The following OTUD1 variants were observed in gnomAD, a reference collection of about 807,000 sequenced individuals.
OTUD1 encodes the protein OTU deubiquitinase 1.
Under a neutral mutation model 30.0 loss-of-function variants are expected in OTUD1, and 15 were observed. That is an observed-to-expected ratio of 0.50 (90% CI 0.33 to 0.77). The LOEUF (loss-of-function observed/expected upper bound fraction) is 0.77, where lower values mean the gene tolerates loss of function less well. OTUD1 is among the 30% of genes least tolerant of loss of function. The probability of loss-of-function intolerance (pLI) is 0.02; values close to 1 mark genes in which losing one functional copy is unlikely to be tolerated. For missense variants in OTUD1, 796 were observed against 697.8 expected (o/e 1.14, Z -1.59); for synonymous variants, 381 against 326.3 (o/e 1.17, Z -1.81).
At position 23,440,045 on chromosome 10, in the gene OTUD1, C is replaced by G. The variant is rs1409176791; in HGVS notation, c.588C>G (p.Ser196Arg). Residue 196 changes from serine to arginine, a missense_variant, in exon 1 of 1, where the codon AGC (serine) becomes AGG (arginine). Coordinates refer to ENST00000376495, the MANE Select transcript of OTUD1 (RefSeq NM_001145373.3). ...REGPDRNFRL[S>R]EHRQALAAAK... ...GGCCCGATCGGAACTTCCGACTGAGCGAGCACCGCCAGGCCCTGGCCGCCG... is the reference window on the plus strand; with the variant it reads ...GGCCCGATCGGAACTTCCGACTGAGGGAGCACCGCCAGGCCCTGGCCGCCG... 2.1e-6 allele frequency: 3 copies of G among 1,452,298 alleles called. No individual in the cohort carries two copies. The highest frequency in any genetic ancestry group is 2.7e-6 in the Non-Finnish European group (3 of 1,108,630). 90.0% of individuals were successfully genotyped at this position (1,452,298 alleles called of 1,614,324 possible). A position where few individuals can be genotyped will look rare whatever the true frequency, so the allele number is the denominator to read the frequency against.
chr10:23,439,931 G>A lies in OTUD1; in HGVS notation c.474G>A (p.Pro158=), dbSNP rs973747033. 5.6e-5 allele frequency: 68 copies of A among 1,222,582 alleles called. No individual in the cohort carries two copies. Among genetic ancestry groups the A allele is most frequent in the Non-Finnish European group, 6.9e-5 (68 of 984,100 alleles). The allele number at this position is 1,222,582 out of a possible 1,614,324, so 75.7% of individuals were successfully genotyped here. ...CCCCGGCGCCCGCAGCCCCGGTCCCGCCGCGGCGGGGCTCCTCGGCCTGGC... is the reference window on the plus strand; with the variant it reads ...CCCCGGCGCCCGCAGCCCCGGTCCCACCGCGGCGGGGCTCCTCGGCCTGGC... ...LLAPAPAAPV[P]PRRGSSAWLL... Residue 158 remains proline (P), a synonymous_variant, in exon 1 of 1, where the codon CCG becomes CCA. Transcript: ENST00000376495.
In OTUD1 at chr10:23,442,142, GGAAT is replaced by G. The variant is rs1419317423; in HGVS notation, c.*1248_*1251del. The G allele has an allele frequency of 2.4e-5, 4 of 166,996 alleles. No homozygotes were observed. Among genetic ancestry groups the G allele is most frequent in the Non-Finnish European group, 4.4e-5 (3 of 68,104 alleles). The allele number at this position is 166,996 out of a possible 1,614,324, so 10.3% of individuals were successfully genotyped here. On this transcript the variant is annotated 3_prime_UTR_variant, in exon 1 of 1. Coordinates refer to ENST00000376495, the MANE Select transcript of OTUD1 (RefSeq NM_001145373.3). ...TACAATAGAGCAATTCCCAGCTGATGGAATGAATGAATAAAATGCAAAATTATAC... is the reference window on the plus strand; with the variant it reads ...TACAATAGAGCAATTCCCAGCTGATGGAATGAATAAAATGCAAAATTATAC...
chr10:23,440,335 A>G lies in OTUD1; in HGVS notation c.878A>G (p.Tyr293Cys). The G allele has an allele frequency of 1.3e-6, 2 of 1,551,280 alleles. No individual in the cohort carries two copies. Among genetic ancestry groups the G allele is most frequent in the African/African-American group, 1.4e-5 (1 of 73,158 alleles). Residue 293 changes from tyrosine (Y) to cysteine (C), a missense_variant, in exon 1 of 1, where the codon TAC becomes TGC. Coordinates refer to ENST00000376495, the MANE Select transcript of OTUD1 (RefSeq NM_001145373.3). ...CCCAGAGACGAGAAGCTGGCCCTAT[A>G]CCTGGCCGAGGTGGAGAAGCAGGAC... is the stretch of plus-strand genomic sequence containing the variant. The part of the protein sequence containing the change: ...SDPRDEKLAL[Y>C]LAEVEKQDKY...
Position 23,439,760 on chromosome 10 carries a change from G to T in OTUD1, c.303G>T (p.Lys101Asn). The T allele has an allele frequency of 8.7e-7, 1 of 1,155,304 alleles. No individual in the cohort carries two copies. Among genetic ancestry groups the T allele is most frequent in the Non-Finnish European group, 1.1e-6 (1 of 942,156 alleles). The allele number at this position is 1,155,304 out of a possible 1,614,324, so 71.6% of individuals were successfully genotyped here. A position where few individuals can be genotyped will look rare whatever the true frequency, so the allele number is the denominator to read the frequency against. ...CCGGCCCGCCCGGCGCGTCCTGCAA[G>T]CCGCCGCTGCCGCCGCACTACACGT... is the stretch of plus-strand genomic sequence containing the variant. ...AAAGPPGASC[K>N]PPLPPHYTST... is the part of the protein sequence containing the mutation. The change falls in exon 1 of 1, where the codon AAG becomes AAT. Residue 101 changes from lysine (K) to asparagine (N), a missense_variant. Transcript: ENST00000376495.
chr10:23,439,516 C>G lies in OTUD1; in HGVS notation c.59C>G (p.Ala20Gly). The G allele has an allele frequency of 1.5e-6, 2 of 1,368,678 alleles. No homozygotes were observed. Among genetic ancestry groups the G allele is most frequent in the Admixed American group, 3.2e-5 (1 of 31,736 alleles). 84.8% of individuals were successfully genotyped at this position (1,368,678 alleles called of 1,614,324 possible). A position where few individuals can be genotyped will look rare whatever the true frequency, so the allele number is the denominator to read the frequency against. The change falls in exon 1 of 1, where the codon GCC becomes GGC. Residue 20 changes from alanine (A) to glycine (G), a missense_variant. Coordinates refer to ENST00000376495, the MANE Select transcript of OTUD1 (RefSeq NM_001145373.3). ...HYPAGAPGPT[A>G]AAPAPPAAAT... Reference sequence around the variant, plus strand: ...CCCGCCGGGGCCCCGGGTCCCACGGCCGCCGCCCCCGCGCCACCCGCCGCC... The same window carrying G: ...CCCGCCGGGGCCCCGGGTCCCACGGGCGCCGCCCCCGCGCCACCCGCCGCC...
chr10:23,439,676 CG>C lies in OTUD1; in HGVS notation c.220del (p.Ala74ProfsTer122). 7.7e-7 allele frequency: 1 copy of C among 1,293,946 alleles called. No homozygotes were observed. Among genetic ancestry groups the C allele is most frequent in the Non-Finnish European group, 9.9e-7 (1 of 1,013,300 alleles). The allele number at this position is 1,293,946 out of a possible 1,614,324, so 80.2% of individuals were successfully genotyped here. On this transcript the variant is annotated frameshift_variant, in exon 1 of 1. Coordinates refer to ENST00000376495, the MANE Select transcript of OTUD1 (RefSeq NM_001145373.3). LOFTEE classifies it high-confidence loss of function. ...AAAVPAAKMP[A>X]FSSCFEVVSG... ...CCGCTGTCCCCGCCGCCAAGATGCC[CG>C]CCTTCTCCTCCTGCTTCGAGGTGGT...
Position 23,439,855 on chromosome 10 carries a change from C to T in OTUD1, c.398C>T (p.Pro133Leu). The change falls in exon 1 of 1, where the codon CCC becomes CTC. Residue 133 changes from proline (P) to leucine (L), a missense_variant. Pro to Leu is a moderately conservative substitution (Grantham distance 98). Transcript: ENST00000376495. ...CTGCTGCACGGGCCCGATCCCGTTC[C>T]CGGCGCCGCGGGCTCCGCCGCTGCC... ...RLLLHGPDPVPGAAGSAAAPR... is the reference protein window; with the variant it reads ...RLLLHGPDPVLGAAGSAAAPR... The T allele has an allele frequency of 8.9e-7, 1 of 1,119,240 alleles. No individual in the cohort carries two copies. The highest frequency in any genetic ancestry group is 1.1e-6 in the Non-Finnish European group (1 of 918,106). 69.3% of individuals were successfully genotyped at this position (1,119,240 alleles called of 1,614,324 possible).
chr10:23,440,772 T>C lies in OTUD1; in HGVS notation c.1315T>C (p.Ser439Pro). ...NGHYDAVFDH[S>P]YPNPEYDNWC... ...ACACTATGATGCTGTATTTGATCAC[T>C]CCTATCCTAACCCAGAGTACGACAA... The change falls in exon 1 of 1, where the codon TCC (serine) becomes CCC (proline). Residue 439 changes from serine to proline, a missense_variant. Transcript: ENST00000376495. The C allele has an allele frequency of 6.4e-7, 1 of 1,552,164 alleles. No homozygotes were observed. The highest frequency in any genetic ancestry group is 8.7e-7 in the Non-Finnish European group (1 of 1,147,098).
Position 23,439,826 on chromosome 10 carries a change from G to T in OTUD1, c.369G>T (p.Arg123Ser). Residue 123 changes from arginine to serine, a missense_variant, in exon 1 of 1, where the codon AGG becomes AGT. Arg to Ser is a moderately radical substitution (Grantham distance 110). Transcript: ENST00000376495. The stretch of plus-strand genomic sequence containing the variant: ...CCGTGCGGGCCCTGGGCGCCGACAG[G>T]CTCCTGCTGCACGGGCCCGATCCCG... ...QITVRALGAD[R>S]LLLHGPDPVP... 1 of 1,121,196 alleles carries T rather than the reference G, an allele frequency of 8.9e-7. No individual in the cohort carries two copies. Among genetic ancestry groups the T allele is most frequent in the Non-Finnish European group, 1.1e-6 (1 of 921,010 alleles). 69.5% of individuals were successfully genotyped at this position (1,121,196 alleles called of 1,614,324 possible).
At position 23,439,996 on chromosome 10, in the gene OTUD1, C is replaced by T. The variant is rs1847109538; in HGVS notation, c.539C>T (p.Ala180Val). The T allele has an allele frequency of 3.6e-6, 5 of 1,373,306 alleles. No individual in the cohort carries two copies. The highest frequency in any genetic ancestry group is 4.7e-6 in the Non-Finnish European group (5 of 1,066,104). The allele number at this position is 1,373,306 out of a possible 1,614,324, so 85.1% of individuals were successfully genotyped here. ...CTGCGGCCCGACTGCCCCGAGCCCG[C>T]GGGCTTGGACGCGACACGGGAGGGG... The part of the protein sequence containing the change: ...ELLRPDCPEP[A>V]GLDATREGPD... Residue 180 changes from alanine to valine, a missense_variant, in exon 1 of 1, where the codon GCG (alanine) becomes GTG (valine). By Grantham distance (64) the Ala-to-Val change is moderately conservative (BLOSUM62 0). Coordinates refer to ENST00000376495, the MANE Select transcript of OTUD1 (RefSeq NM_001145373.3).
Position 23,441,031 on chromosome 10 carries a change from C to G in OTUD1, c.*128C>G. 1.0e-6 allele frequency: 1 copy of G among 993,056 alleles called. No individual in the cohort carries two copies. The highest frequency in any genetic ancestry group is 1.5e-6 in the Non-Finnish European group (1 of 684,754). The allele number at this position is 993,056 out of a possible 1,614,324, so 61.5% of individuals were successfully genotyped here. The stretch of plus-strand genomic sequence containing the variant: ...GTAGATTTTACTGTAGGTGTAATGC[C>G]TTAATCATCTTTTTGAATGTTTTCT... On this transcript the variant is annotated 3_prime_UTR_variant, in exon 1 of 1. Transcript: ENST00000376495.
Position 23,439,989 on chromosome 10 carries a change from G to T in OTUD1, c.532G>T (p.Glu178Ter). 7.3e-7 allele frequency: 1 copy of T among 1,362,378 alleles called. No individual in the cohort carries two copies. Among genetic ancestry groups the T allele is most frequent in the Non-Finnish European group, 9.4e-7 (1 of 1,060,620 alleles). 84.4% of individuals were successfully genotyped at this position (1,362,378 alleles called of 1,614,324 possible). Residue 178 changes from glutamate (E) to a stop codon, truncating the protein, a stop_gained, in exon 1 of 1, where the codon GAG becomes TAG. Coordinates refer to ENST00000376495, the MANE Select transcript of OTUD1 (RefSeq NM_001145373.3). LOFTEE classifies it high-confidence loss of function. ...GGAGCTGCTGCGGCCCGACTGCCCCGAGCCCGCGGGCTTGGACGCGACACG... is the reference window on the plus strand; with the variant it reads ...GGAGCTGCTGCGGCCCGACTGCCCCTAGCCCGCGGGCTTGGACGCGACACG... ...LEELLRPDCPEPAGLDATREG... is the reference protein window; with the variant it reads ...LEELLRPDCP
Position 23,440,242 on chromosome 10 carries a change from C to T in OTUD1, c.785C>T (p.Pro262Leu), listed in dbSNP as rs773630880. 1.3e-6 allele frequency: 2 copies of T among 1,541,882 alleles called. No homozygotes were observed. Among genetic ancestry groups the T allele is most frequent in the African/African-American group, 1.4e-5 (1 of 72,918 alleles). The part of the protein sequence containing the change: ...ARRPDPEAEA[P>L]PAGSIEAAPS... Reference sequence around the variant, plus strand: ...AGGCCCGACCCAGAGGCCGAGGCACCCCCCGCCGGGAGCATCGAGGCCGCC... The same window carrying T: ...AGGCCCGACCCAGAGGCCGAGGCACTCCCCGCCGGGAGCATCGAGGCCGCC... Residue 262 changes from proline to leucine, a missense_variant, in exon 1 of 1, where the codon CCC becomes CTC. Transcript: ENST00000376495.
At position 23,440,114 on chromosome 10, in the gene OTUD1, C is replaced by G. The variant is rs746952867; in HGVS notation, c.657C>G (p.Pro219=). Residue 219 remains proline (P), a synonymous_variant, in exon 1 of 1, where the codon CCC becomes CCG. Transcript: ENST00000376495. ...GPAATPGSPD[P]GPGPWGEEHL... is the part of the protein sequence containing the mutation. Reference sequence around the variant, plus strand: ...CGGCGACCCCGGGGAGCCCCGATCCCGGCCCCGGTCCGTGGGGCGAAGAGC... The same window carrying G: ...CGGCGACCCCGGGGAGCCCCGATCCGGGCCCCGGTCCGTGGGGCGAAGAGC... The G allele has an allele frequency of 1.4e-6, 2 of 1,421,198 alleles. No homozygotes were observed. The highest frequency in any genetic ancestry group is 2.9e-5 in the East Asian group (1 of 34,146). 88.0% of individuals were successfully genotyped at this position (1,421,198 alleles called of 1,614,324 possible). A position where few individuals can be genotyped will look rare whatever the true frequency, so the allele number is the denominator to read the frequency against.
rs1490790530 is a variant in OTUD1 at position 23,442,279 on chromosome 10, A to G, written c.*1376A>G. 1 of 167,078 alleles carries G rather than the reference A, an allele frequency of 6.0e-6. No homozygotes were observed. The allele number at this position is 167,078 out of a possible 1,614,324, so 10.3% of individuals were successfully genotyped here. A position where few individuals can be genotyped will look rare whatever the true frequency, so the allele number is the denominator to read the frequency against. On this transcript the variant is annotated 3_prime_UTR_variant, in exon 1 of 1. Coordinates refer to ENST00000376495, the MANE Select transcript of OTUD1 (RefSeq NM_001145373.3). ...TTTTTTTTTTCCATAAAGATGCCAC[A>G]GCAATAGAGAGGTTTCCTAAATTAT...
chr10:23,440,215 G>A lies in OTUD1; in HGVS notation c.758G>A (p.Arg253Gln), dbSNP rs942238552. The A allele has an allele frequency of 3.3e-6, 5 of 1,503,662 alleles. No individual in the cohort carries two copies. The East Asian group carries it at 7.6e-5, about 23-fold the overall frequency. The allele number at this position is 1,503,662 out of a possible 1,614,324, so 93.1% of individuals were successfully genotyped here. The change falls in exon 1 of 1, where the codon CGG (arginine) becomes CAG (glutamine). Residue 253 changes from arginine to glutamine, a missense_variant. Transcript: ENST00000376495. ...GACGCGCCCGGTGGGGACGCGGCGC[G>A]GAGGCCCGACCCAGAGGCCGAGGCA... The part of the protein sequence containing the change: ...RCDAPGGDAA[R>Q]RPDPEAEAPP...
At position 23,440,382 on chromosome 10, in the gene OTUD1, A is replaced by C. The variant is rs979558172; in HGVS notation, c.925A>C (p.Lys309Gln). 6.4e-7 allele frequency: 1 copy of C among 1,551,466 alleles called. No individual in the cohort carries two copies. The highest frequency in any genetic ancestry group is 1.4e-5 in the African/African-American group (1 of 73,054). Residue 309 changes from lysine to glutamine, a missense_variant, in exon 1 of 1, where the codon AAG becomes CAG. Transcript: ENST00000376495. The stretch of plus-strand genomic sequence containing the variant: ...GGACAAGTATCTGCGGCAGAGGAAT[A>C]AGTACCGATTCCACATCATTCCAGA... ...KQDKYLRQRN[K>Q]YRFHIIPDGN...
At position 23,442,253 on chromosome 10, in the gene OTUD1, A is replaced by G. The variant is rs1847138012; in HGVS notation, c.*1350A>G. The G allele has an allele frequency of 6.1e-6, 1 of 165,240 alleles. No individual in the cohort carries two copies. Among genetic ancestry groups the G allele is most frequent in the African/African-American group, 2.4e-5 (1 of 41,082 alleles). The allele number at this position is 165,240 out of a possible 1,614,324, so 10.2% of individuals were successfully genotyped here. A position where few individuals can be genotyped will look rare whatever the true frequency, so the allele number is the denominator to read the frequency against. On this transcript the variant is annotated 3_prime_UTR_variant, in exon 1 of 1. Coordinates refer to ENST00000376495, the MANE Select transcript of OTUD1 (RefSeq NM_001145373.3). ...TTTCTTGCATGTATGCATGTACACA[A>G]TTTTTTTTTTCCATAAAGATGCCAC...
rs2132479897 is a variant in OTUD1 at position 23,439,616 on chromosome 10, C to T, written c.159C>T (p.Cys53=). Reference sequence around the variant, plus strand: ...CGCCCGAGCCCGAGACCGGTGAGTGCCAGCCCGCCGCGGCCGCCGAGCACC... The same window carrying T: ...CGCCCGAGCCCGAGACCGGTGAGTGTCAGCCCGCCGCGGCCGCCGAGCACC... ...GAAPEPETGE[C]QPAAAAEHRE... is the part of the protein sequence containing the mutation. The change falls in exon 1 of 1, where the codon TGC becomes TGT. Residue 53 remains cysteine, a synonymous_variant. Transcript: ENST00000376495. 3 of 1,309,352 alleles carry T rather than the reference C, an allele frequency of 2.3e-6. No homozygotes were observed. Among genetic ancestry groups the T allele is most frequent in the Admixed American group, 3.4e-5 (1 of 29,614 alleles). The allele number at this position is 1,309,352 out of a possible 1,614,324, so 81.1% of individuals were successfully genotyped here. A position where few individuals can be genotyped will look rare whatever the true frequency, so the allele number is the denominator to read the frequency against.
Sources: gnomAD v4.1 joint callset for allele counts on GRCh38, gnomAD v4.1.1 for gene constraint, MANE v1.5 for transcripts, NCBI Gene and HGNC (gene_info 2026-07-23, HGNC 2026-07-21) for gene names.